CCDC158: variants seen among roughly 807,000 people sequenced by gnomAD.
CCDC158 encodes the protein coiled-coil domain containing 158, also known as coiled-coil domain-containing protein 158.
CCDC158 carries 116 observed loss-of-function variants against 138.6 expected under a neutral mutation model. The observed-to-expected ratio is 0.84, with a 90% CI of 0.72 to 0.98. The LOEUF is 0.98. CCDC158 is among the 50% of genes least tolerant of loss of function. The pLI is 0.00. For missense variants in CCDC158, 1,265 were observed against 1,306.1 expected (o/e 0.97, Z 0.48); for synonymous variants, 436 against 442.4 (o/e 0.99, Z 0.18).
Position 76,389,582 on chromosome 4 carries a change from G to C in CCDC158, c.289-4917C>G, listed in dbSNP as rs530586760. Among the ~76,000 whole-genome samples the C allele has an allele frequency of 5.9e-5, 9 of 152,210 alleles. No homozygotes were observed. The South Asian group carries it at 1.7e-3, about 28-fold the overall frequency. ...AATATCAGAGAACTTCCCAAACCTAGAGAAAAATACCAACATTCAACTACA... is the reference window on the plus strand; with the variant it reads ...AATATCAGAGAACTTCCCAAACCTACAGAAAAATACCAACATTCAACTACA... On this transcript the variant is annotated intron_variant, in intron 4 of 24. Coordinates refer to ENST00000682701, the MANE Select transcript of CCDC158 (RefSeq NM_001394954.1).
chr4:76,396,487 C>G lies in CCDC158; in HGVS notation c.71-1G>C, dbSNP rs1394565923. The G allele has an allele frequency of 2.5e-6, 4 of 1,591,816 alleles. No individual in the cohort carries two copies. The highest frequency in any genetic ancestry group is 3.4e-6 in the Non-Finnish European group (4 of 1,169,080). On this transcript the variant is annotated splice_acceptor_variant, in intron 3 of 24. Coordinates refer to ENST00000682701, the MANE Select transcript of CCDC158 (RefSeq NM_001394954.1). LOFTEE classifies it high-confidence loss of function. ...GACACAAAAAATGAACTTGAAGAAC[C>G]TAAATATTAAAGAATTCATTAATTA...
At chr4:76,368,865 T>TTTAGTTC (rs2110243287) in intron 11 of CCDC158, among the ~76,000 whole-genome samples, 1 of 152,194 alleles carries the variant, frequency 6.6e-6, no homozygotes, top group Admixed American at 6.5e-5. Context: ...GGGATAAGAG[T>TTTAGTTC]TTAGTTCTTC....
chr4:76,328,271 C>T (rs543013049), intron 22 of CCDC158, among the ~76,000 whole-genome samples: 2 of 152,302 alleles, frequency 1.3e-5, no homozygotes, highest in East Asian at 3.9e-4. Context: ...TCAGCACCTG[C>T]TATGTGCCAG....
chr4:76,323,041 CAA>C (rs1468446690), intron 24 of CCDC158, among the ~76,000 whole-genome samples: 1 of 152,160 alleles, frequency 6.6e-6, no homozygotes, highest in East Asian at 1.9e-4. Flanking sequence ...CTCAGAACCT[CAA>C]AACCACTCCT....
At position 76,324,175 on chromosome 4, in the gene CCDC158, A is replaced by C. The variant is rs1720305457; in HGVS notation, c.3170-766T>G. On this transcript the variant is annotated intron_variant, in intron 23 of 24. Transcript: ENST00000682701. ...AATTACTCCAGTTTAAGAGAATGAGAAACAGTTTCTTGGAGAGTTTCTTTT... is the reference window on the plus strand; with the variant it reads ...AATTACTCCAGTTTAAGAGAATGAGCAACAGTTTCTTGGAGAGTTTCTTTT... 2.6e-5 allele frequency among the ~76,000 whole-genome samples: 4 copies of C among 152,008 alleles called. No homozygotes were observed. In the South Asian group the frequency reaches 8.3e-4, roughly 32 times the overall value.
intron 20 of CCDC158, among the ~76,000 whole-genome samples, 191 bp downstream of exon 20, chr4:76,332,241 A>C (rs998045859): frequency 5.3e-5 from 8 of 152,212 alleles, no homozygotes; most frequent in Non-Finnish European, 1.2e-4. Context: ...ATGTCTATTG[A>C]GTTGATTTCT....
chr4:76,325,790 A>C, intron 23 of CCDC158, 67 bp downstream of exon 23: 2 of 1,396,800 alleles, frequency 1.4e-6, no homozygotes, highest in Non-Finnish European at 2.0e-6. Context: ...TTCTGAGTAA[A>C]AAGAACTTAC....
chr4:76,357,258 T>C (rs4241592), intron 14 of CCDC158, 116 bp downstream of exon 14: 488,588 of 556,306 alleles, frequency 0.88, 215,137 homozygotes, highest in South Asian at 0.97. Context: ...GTATATTTCT[T>C]ACATCATTTA....
chr4:76,348,434 C>CAAAAA, intron 18 of CCDC158, among the ~76,000 whole-genome samples: 1 of 54,462 alleles, frequency 1.8e-5, no homozygotes, highest in Non-Finnish European at 3.6e-5. Flanking sequence ...TACTCTGTCT[C>CAAAAA]AAAAAAAAAA....
At chr4:76,352,173 G>T (rs1723106237) in intron 16 of CCDC158, 1 of 161,528 alleles carries the variant, frequency 6.2e-6, no homozygotes, top group African/African-American at 2.4e-5. Context: ...GGGAGGCCGA[G>T]GCAGGCAGAT....
intron 15 of CCDC158, among the ~76,000 whole-genome samples, chr4:76,353,997 C>T (rs368901628): frequency 6.6e-6 from 1 of 151,962 alleles, no homozygotes; most frequent in African/African-American, 2.4e-5. Context: ...GAAGGTGTTG[C>T]TACTGTAAAA....
chr4:76,383,048 A>G (rs888447215), intron 7 of CCDC158, among the ~76,000 whole-genome samples: 2 of 152,230 alleles, frequency 1.3e-5, no homozygotes, highest in African/African-American at 4.8e-5. Context: ...ATTTATAAGT[A>G]TTCACACTAA....
intron 1 of CCDC158, among the ~76,000 whole-genome samples, chr4:76,412,754 G>C (rs1255637945): frequency 6.6e-6 from 1 of 151,694 alleles, no homozygotes; most frequent in African/African-American, 2.4e-5. Context: ...CCATCTCAAA[G>C]AAAAGAAAAA....
chr4:76,316,900 CAAAAAAAAAAAAAA>C (rs77150446), intron 24 of CCDC158, among the ~76,000 whole-genome samples: 4 of 62,646 alleles, frequency 6.4e-5, no homozygotes, highest in Non-Finnish European at 1.2e-4. Context: ...CTTTTGCAGA[CAAAAAAAAAAAAAA>C]AAAAAAAAAT....
chr4:76,351,044 A>G lies in CCDC158; in HGVS notation c.2616T>C (p.Ser872=). Reference sequence around the variant, plus strand: ...ACTGCGAAGATGGTACATTAGAATGAGAACGAGTAACAGATGCTGGCTGGA... The same window carrying G: ...ACTGCGAAGATGGTACATTAGAATGGGAACGAGTAACAGATGCTGGCTGGA... ...RLLQPASVTR[S]HSNVPSSQST... Residue 872 remains serine, a synonymous_variant, in exon 18 of 25, where the codon TCT becomes TCC. Transcript: ENST00000682701. 6.2e-7 allele frequency: 1 copy of G among 1,614,028 alleles called. No individual in the cohort carries two copies. The highest frequency in any genetic ancestry group is 8.5e-7 in the Non-Finnish European group (1 of 1,179,906).
intron 24 of CCDC158, among the ~76,000 whole-genome samples, chr4:76,315,682 C>T (rs1719314228): frequency 6.6e-6 from 1 of 152,222 alleles, no homozygotes; most frequent in African/African-American, 2.4e-5. Context: ...GGACACTAAA[C>T]ATATCTATGA....
chr4:76,319,190 T>G (rs989022686), intron 24 of CCDC158, among the ~76,000 whole-genome samples: 2 of 151,412 alleles, frequency 1.3e-5, no homozygotes, highest in African/African-American at 4.9e-5. Flanking sequence ...GAGAATGGTG[T>G]GAACCCGGGA....
intron 24 of CCDC158, among the ~76,000 whole-genome samples, chr4:76,314,396 TC>T (rs1719175235): frequency 6.6e-6 from 1 of 152,204 alleles, no homozygotes; most frequent in Admixed American, 6.5e-5. Flanking sequence ...AACGTGCAGC[TC>T]CAACTTGGAT....
upstream of CCDC158, among the ~76,000 whole-genome samples, chr4:76,421,382 G>T (rs1230075821): frequency 6.6e-6 from 1 of 152,034 alleles, no homozygotes; most frequent in African/African-American, 2.4e-5. Context: ...CTAAGGAGTG[G>T]GGGTGTACCC....
Sources: allele counts gnomAD v4.1 joint callset (sites outside exome capture counted in the v4.1 genomes callset), GRCh38; gene constraint gnomAD v4.1.1; transcripts MANE v1.5; gene names NCBI Gene and HGNC (gene_info 2026-07-23, HGNC 2026-07-21).